The following CD99 variants were observed in gnomAD, a reference collection of about 807,000 sequenced individuals.
The protein encoded by CD99 is CD99 molecule (Xg blood group).
CD99 carries 19 observed loss-of-function variants against 28.4 expected under a neutral mutation model. That is an observed-to-expected ratio of 0.67 (90% CI 0.47 to 0.98). CD99 has a LOEUF of 0.98. CD99 is among the 50% of genes least tolerant of loss of function. CD99 has a pLI of 0.00. For missense variants in CD99, 283 were observed against 248.8 expected, an observed-to-expected ratio of 1.14 and a Z score of -0.92; for synonymous variants, 103 against 92.1, an observed-to-expected ratio of 1.12 and a Z score of -0.67.
chrX:2,721,469 C>A (rs2048990563), intron 5 of CD99, among the ~76,000 whole-genome samples: 1 of 151,800 alleles, frequency 6.6e-6, no homozygotes, highest in Non-Finnish European at 1.5e-5. Context: ...TTAGTTTTTT[C>A]ATTTTTTGTA....
intron 1 of CD99, among the ~76,000 whole-genome samples, chrX:2,713,131 TACACACAC>T (rs59024224): frequency 6.6e-6 from 1 of 151,120 alleles, no homozygotes; most frequent in Non-Finnish European, 1.5e-5. Flanking sequence ...CGCCTACACA[TACACACAC>T]AAACCCACAT....
intron 8 of CD99, among the ~76,000 whole-genome samples, chrX:2,730,242 G>A (rs1335083614): frequency 1.3e-5 from 2 of 151,240 alleles, no homozygotes; most frequent in Non-Finnish European, 2.9e-5. Context: ...GCGTGATCTC[G>A]GCTCACTGCA....
intron 1 of CD99, among the ~76,000 whole-genome samples, chrX:2,705,509 G>T (rs1375134097): frequency 2.5e-4 from 38 of 152,162 alleles, no homozygotes; most frequent in Admixed American, 2.5e-3. Flanking sequence ...TTATGCGGTT[G>T]CACATGGTGT....
chrX:2,695,558 C>T, intron 1 of CD99, among the ~76,000 whole-genome samples: 1 of 151,922 alleles, frequency 6.6e-6, no homozygotes, highest in East Asian at 1.9e-4. Flanking sequence ...ACTACAAGCA[C>T]ACACCACTGT....
At chrX:2,706,186 A>C (rs1011817197) in intron 1 of CD99, among the ~76,000 whole-genome samples, 39 of 152,008 alleles carry the variant, frequency 2.6e-4, no homozygotes, top group Non-Finnish European at 4.3e-4. Flanking sequence ...GGTGAAACCC[A>C]GTCTCTACTA....
chrX:2,700,512 CCATT>C (rs2047797306), intron 1 of CD99, among the ~76,000 whole-genome samples: 1 of 151,884 alleles, frequency 6.6e-6, no homozygotes, highest in Non-Finnish European at 1.5e-5. Flanking sequence ...ACCCATCCAT[CCATT>C]CATCCATGCA....
intron 1 of CD99, among the ~76,000 whole-genome samples, chrX:2,706,007 A>G (rs775614739): frequency 5.0e-4 from 75 of 151,040 alleles, no homozygotes; most frequent in African/African-American, 1.6e-3. Flanking sequence ...CTGGAATGAA[A>G]GTTTTTAGGG....
chrX:2,732,896 C>T (rs1032469244), intron 8 of CD99, among the ~76,000 whole-genome samples: 3 of 142,130 alleles, frequency 2.1e-5, no homozygotes, highest in African/African-American at 8.5e-5. Flanking sequence ...TTCTCTCCCT[C>T]CTTCCCTTCT....
Position 2,723,561 on chromosome X carries a change from G to A in CD99, c.361+197G>A, listed in dbSNP as rs191932030. On this transcript the variant is annotated intron_variant, in intron 7 of 9. Transcript: ENST00000381192. Reference sequence around the variant, plus strand: ...CCAGCAAACCAGCCCTGCTCCGGGTGCCCACGTGACGCGGATTTTATGTTT... The same window carrying A: ...CCAGCAAACCAGCCCTGCTCCGGGTACCCACGTGACGCGGATTTTATGTTT... 4.6e-4 allele frequency: 299 copies of A among 649,728 alleles called. 2 individuals are homozygous for A. In the East Asian group the frequency reaches 6.7e-3, roughly 15 times the overall value. 40.2% of individuals were successfully genotyped at this position (649,728 alleles called of 1,614,324 possible).
intron 1 of CD99, among the ~76,000 whole-genome samples, chrX:2,694,873 T>C (rs1432691009): frequency 1.3e-5 from 2 of 152,290 alleles, no homozygotes; most frequent in African/African-American, 2.4e-5. Context: ...AAATGATTGT[T>C]TGTCTGGAAA....
At chrX:2,719,837 G>T in intron 4 of CD99, 132 bp downstream of exon 4, 1 of 936,482 alleles carries the variant, frequency 1.1e-6, no homozygotes, top group South Asian at 1.4e-5. Context: ...TAGGGAATAG[G>T]TGTGTCGGTT....
intron 1 of CD99, among the ~76,000 whole-genome samples, chrX:2,712,268 A>G (rs1000565681): frequency 1.3e-5 from 2 of 152,084 alleles, no homozygotes; most frequent in African/African-American, 4.8e-5. Context: ...AGGGTACAAC[A>G]TTTCCATCAG....
intron 6 of CD99, 38 bp from the exon 7 acceptor site, chrX:2,723,276 C>T (rs367557511): frequency 1.2e-6 from 2 of 1,612,440 alleles, no homozygotes; most frequent in Non-Finnish European, 1.7e-6. Flanking sequence ...TCCTTGACCC[C>T]AAACCTTCCC....
intron 1 of CD99, chrX:2,692,256 C>A (rs1270188195): frequency 1.7e-5 from 2 of 120,612 alleles, no homozygotes; most frequent in Non-Finnish European, 3.4e-5. Context: ...GTTATAAATT[C>A]TTTTTTCAAT....
intron 7 of CD99, among the ~76,000 whole-genome samples, chrX:2,724,797 G>A (rs1249838475): frequency 1.3e-5 from 2 of 151,862 alleles, no homozygotes; most frequent in East Asian, 3.9e-4. Flanking sequence ...CTAGCTACTC[G>A]GGAGGCACAA....
chrX:2,714,560 A>C lies in CD99; in HGVS notation c.100+106A>C, dbSNP rs189215617. 4 of 943,200 alleles carry C rather than the reference A, an allele frequency of 4.2e-6. No individual in the cohort carries two copies. The East Asian group carries it at 9.7e-5, about 23-fold the overall frequency. The allele number at this position is 943,200 out of a possible 1,614,324, so 58.4% of individuals were successfully genotyped here. A position where few individuals can be genotyped will look rare whatever the true frequency, so the allele number is the denominator to read the frequency against. On this transcript the variant is annotated intron_variant, in intron 2 of 9. Coordinates refer to ENST00000381192, the MANE Select transcript of CD99 (RefSeq NM_002414.5). ...CAGCTAGGTTCTAGACCACCGCAAT[A>C]ACAGGAGTCATAGCAATTTTTGGCT...
intron 2 of CD99, chrX:2,714,662 GTA>G (rs2048601784): frequency 2.3e-6 from 1 of 443,888 alleles, no homozygotes; most frequent in African/African-American, 2.0e-5. Context: ...TCTAAAAACA[GTA>G]TACTCCAATT....
chrX:2,693,445 T>C (rs998344383), intron 1 of CD99, among the ~76,000 whole-genome samples: 2 of 152,108 alleles, frequency 1.3e-5, no homozygotes, highest in Admixed American at 1.3e-4. Context: ...ATGGATCTCC[T>C]TGAGGGACGC....
chrX:2,701,794 T>C (rs2047876985), intron 1 of CD99, among the ~76,000 whole-genome samples: 1 of 152,172 alleles, frequency 6.6e-6, no homozygotes, highest in Non-Finnish European at 1.5e-5. Flanking sequence ...GGTAACAGCA[T>C]GCAGAACAGG....
Sources: allele counts gnomAD v4.1 joint callset (sites outside exome capture counted in the v4.1 genomes callset), GRCh38; gene constraint gnomAD v4.1.1; transcripts MANE v1.5; gene names NCBI Gene and HGNC (gene_info 2026-07-23, HGNC 2026-07-21).